ERICH3: variants seen among roughly 807,000 people sequenced by gnomAD.
ERICH3 encodes glutamate rich 3.
ERICH3 carries 126 observed loss-of-function variants against 131.1 expected under a neutral mutation model. The observed-to-expected ratio is 0.96, with a 90% CI of 0.83 to 1.11. The LOEUF is 1.11. ERICH3 is among the 50% of genes most tolerant of loss of function. The pLI is 0.00. For missense variants in ERICH3, 2,050 were observed against 1,810.7 expected (o/e 1.13, Z -2.40); for synonymous variants, 695 against 644.6 (o/e 1.08, Z -1.18).
At chr1:74,601,655 C>CAT (rs1329312636) in intron 10 of ERICH3, among the ~76,000 whole-genome samples, 1 of 151,820 alleles carries the variant, frequency 6.6e-6, no homozygotes, top group Admixed American at 6.6e-5. Context: ...AATACACATA[C>CAT]ATATATCACA....
chr1:74,602,720 C>T (rs1206273800), intron 10 of ERICH3, among the ~76,000 whole-genome samples: 4 of 151,758 alleles, frequency 2.6e-5, no homozygotes, highest in African/African-American at 9.7e-5. Context: ...GTATAAAGTA[C>T]ATCACTCATA....
chr1:74,604,422 A>G (rs966357627), intron 10 of ERICH3, among the ~76,000 whole-genome samples: 1 of 151,944 alleles, frequency 6.6e-6, no homozygotes, highest in Admixed American at 6.6e-5. Flanking sequence ...AATGTTCTTA[A>G]TGGCATCTAG....
At chr1:74,579,022 T>G (rs1382914451) in intron 12 of ERICH3, among the ~76,000 whole-genome samples, 1 of 152,176 alleles carries the variant, frequency 6.6e-6, no homozygotes, top group Non-Finnish European at 1.5e-5. Flanking sequence ...TAACAAAAGT[T>G]TTTTACAATA....
intron 12 of ERICH3, among the ~76,000 whole-genome samples, chr1:74,586,211 A>G (rs1339284716): frequency 2.0e-5 from 3 of 152,138 alleles, no homozygotes; most frequent in Non-Finnish European, 2.9e-5. Flanking sequence ...GAATAAGAAG[A>G]AAAGAGAAGT....
At chr1:74,576,962 A>T in intron 12 of ERICH3, 26 bp from the exon 13 acceptor site, 1 of 1,580,132 alleles carries the variant, frequency 6.3e-7, no homozygotes. Context: ...AAAAAGAAAA[A>T]AAAGGTCAAA....
In ERICH3 at chr1:74,673,528, G is replaced by T. The variant is rs1646761200; in HGVS notation, c.-9C>A. 1.2e-6 allele frequency: 2 copies of T among 1,613,118 alleles called. No homozygotes were observed. Among genetic ancestry groups the T allele is most frequent in the Non-Finnish European group, 1.7e-6 (2 of 1,179,748 alleles). On this transcript the variant is annotated 5_prime_UTR_variant, in exon 1 of 15. Coordinates refer to ENST00000326665, the MANE Select transcript of ERICH3 (RefSeq NM_001002912.5). ...GGGTGAGAATGGCTCATTTTTGCAGGATCCCTTTTGGACCCCGCGGCAGGT... is the reference window on the plus strand; with the variant it reads ...GGGTGAGAATGGCTCATTTTTGCAGTATCCCTTTTGGACCCCGCGGCAGGT...
chr1:74,591,812 G>A (rs186419426), intron 11 of ERICH3: 1 of 152,268 alleles, frequency 6.6e-6, no homozygotes, highest in East Asian at 1.9e-4. Context: ...GTCTAGGTCT[G>A]TAATTGTTTT....
Position 74,620,782 on chromosome 1 carries a change from A to C in ERICH3, c.952T>G (p.Cys318Gly). Residue 318 changes from cysteine to glycine, a missense_variant, in exon 8 of 15, where the codon TGT (cysteine) becomes GGT (glycine). By Grantham distance (159) the Cys-to-Gly change is radical (BLOSUM62 -3). Coordinates refer to ENST00000326665, the MANE Select transcript of ERICH3 (RefSeq NM_001002912.5). ...TAGACACAAAGGTTTTCCCCACCAC[A>C]GTGCTGCTGATAAACTTTAATTTCA... ...RDEIKVYQQH[C>G]GGENLCVYKG... 1.2e-6 allele frequency: 2 copies of C among 1,613,052 alleles called. No individual in the cohort carries two copies. Among genetic ancestry groups the C allele is most frequent in the Non-Finnish European group, 1.7e-6 (2 of 1,179,562 alleles).
At chr1:74,657,276 A>G (rs141174885) in intron 1 of ERICH3, among the ~76,000 whole-genome samples, 44 of 152,230 alleles carry the variant, frequency 2.9e-4, no homozygotes, top group African/African-American at 9.9e-4. Context: ...GGCATGCTAC[A>G]TATTGCATTA....
chr1:74,661,079 G>C (rs1206977827), intron 1 of ERICH3, among the ~76,000 whole-genome samples: 2 of 152,086 alleles, frequency 1.3e-5, no homozygotes, highest in Non-Finnish European at 2.9e-5. Context: ...CTTACTATGT[G>C]TGTTGAGAAG....
intron 12 of ERICH3, among the ~76,000 whole-genome samples, chr1:74,587,936 A>G (rs1037182548): frequency 2.0e-5 from 3 of 152,212 alleles, no homozygotes; most frequent in Non-Finnish European, 4.4e-5. Flanking sequence ...TCTAGGGCAG[A>G]GGTTTATGAA....
Position 74,599,883 on chromosome 1 carries a change from G to T in ERICH3, c.1538C>A (p.Ser513Tyr), listed in dbSNP as rs1570847405. The change falls in exon 11 of 15, where the codon TCT (serine) becomes TAT (tyrosine). Residue 513 changes from serine to tyrosine, a missense_variant. Transcript: ENST00000326665. The stretch of plus-strand genomic sequence containing the variant: ...AACATCAGCCTGTCCTTCTTCATTA[G>T]ATTTTTCACCTTGTTTCTCCTCATC... ...EVDEEKQGEKSNEEGQADVQM... is the reference protein window; with the variant it reads ...EVDEEKQGEKYNEEGQADVQM... The T allele has an allele frequency of 1.2e-6, 2 of 1,611,894 alleles. No individual in the cohort carries two copies. Among genetic ancestry groups the T allele is most frequent in the East Asian group, 4.5e-5 (2 of 44,812 alleles).
chr1:74,579,879 A>C, intron 12 of ERICH3: 1 of 984,538 alleles, frequency 1.0e-6, no homozygotes. Flanking sequence ...GCCAAATGGA[A>C]TTGTCACACA....
intron 10 of ERICH3, among the ~76,000 whole-genome samples, chr1:74,605,103 C>T (rs1648322841): frequency 6.6e-6 from 1 of 151,982 alleles, no homozygotes; most frequent in Admixed American, 6.6e-5. Context: ...CCTACATAAG[C>T]ACTTGCTACT....
intron 7 of ERICH3, chr1:74,625,991 A>G (rs538077237): frequency 2.0e-4 from 31 of 152,246 alleles, no homozygotes; most frequent in African/African-American, 7.0e-4. Context: ...AAGACATAGT[A>G]TAAGAAAATA....
chr1:74,602,988 A>G (rs1011949954), intron 10 of ERICH3, among the ~76,000 whole-genome samples: 3 of 151,942 alleles, frequency 2.0e-5, no homozygotes, highest in Admixed American at 6.6e-5. Flanking sequence ...CACTTTAGTC[A>G]GTAATAATCA....
intron 3 of ERICH3, among the ~76,000 whole-genome samples, chr1:74,645,983 C>T (rs538225904): frequency 6.6e-6 from 1 of 152,112 alleles, no homozygotes; most frequent in South Asian, 2.1e-4. Context: ...CATGCTTTTT[C>T]AGAGACTAAA....
chr1:74,641,576 A>G, intron 4 of ERICH3, 117 bp from the exon 5 acceptor site: 3 of 1,263,388 alleles, frequency 2.4e-6, no homozygotes, highest in Non-Finnish European at 3.3e-6. Flanking sequence ...TTCTTCCAAG[A>G]GTTACTTTTG....
At chr1:74,666,626 G>C (rs1646695431) in intron 1 of ERICH3, among the ~76,000 whole-genome samples, 1 of 152,018 alleles carries the variant, frequency 6.6e-6, no homozygotes, top group Admixed American at 6.6e-5. Flanking sequence ...TTCTTTACTG[G>C]GACTTGTGTA....
Sources: gnomAD v4.1 joint callset for allele counts (sites outside exome capture counted in the v4.1 genomes callset) on GRCh38, gnomAD v4.1.1 for gene constraint, MANE v1.5 for transcripts, NCBI Gene and HGNC (gene_info 2026-07-23, HGNC 2026-07-21) for gene names.